The following C1QTNF7 variants were observed in gnomAD, a reference collection of about 807,000 sequenced individuals.
The protein encoded by C1QTNF7 is C1q and TNF related 7.
In C1QTNF7, 15 loss-of-function variants were observed where a neutral mutation model predicts 19.6. That is an observed-to-expected ratio of 0.76 (90% CI 0.51 to 1.18). C1QTNF7 has a LOEUF of 1.18. Ranked by LOEUF, C1QTNF7 falls within the 50% of genes most tolerant of loss-of-function variation. The pLI is 0.00. For synonymous variants in C1QTNF7, 142 were observed against 137.5 expected (o/e 1.03, Z -0.23); for missense variants, 324 against 359.7 (o/e 0.90, Z 0.80).
chr4:15,368,193 C>G (rs191809553), intron 1 of C1QTNF7, among the ~76,000 whole-genome samples: 5 of 152,248 alleles, frequency 3.3e-5, no homozygotes, highest in Admixed American at 6.5e-5. Context: ...CTTTTAAAAT[C>G]TATCATAATG....
At chr4:15,381,447 G>C (rs537455676) in intron 1 of C1QTNF7, among the ~76,000 whole-genome samples, 174 of 151,426 alleles carry the variant, frequency 1.1e-3, no homozygotes, top group African/African-American at 4.0e-3. Context: ...TTGTGAACAT[G>C]GAAATATTTT....
rs1712787871 is a variant in C1QTNF7 at position 15,442,200 on chromosome 4, G to A, written c.271G>A (p.Ala91Thr). 2 of 1,612,930 alleles carry A rather than the reference G, an allele frequency of 1.2e-6. No individual in the cohort carries two copies. Among genetic ancestry groups the A allele is most frequent in the Non-Finnish European group, 1.7e-6 (2 of 1,179,624 alleles). The change falls in exon 3 of 3, where the codon GCC becomes ACC. Residue 91 changes from alanine to threonine, a missense_variant. Ala to Thr is a moderately conservative substitution (Grantham distance 58). Transcript: ENST00000444304. ...AGGTAAGACTGGACCGCTAGGTCTT[G>A]CCGGTGAGAAAGGGGACCAAGGAGA... Reference protein sequence around the residue: ...LRGKTGPLGLAGEKGDQGETG... With the variant: ...LRGKTGPLGLTGEKGDQGETG...
chr4:15,373,706 T>C (rs1378382173), intron 1 of C1QTNF7: 1 of 152,256 alleles, frequency 6.6e-6, no homozygotes, highest in East Asian at 1.9e-4. Flanking sequence ...ATATGCTGTA[T>C]ATGCTGTATA....
Position 15,445,115 on chromosome 4 carries a change from C to T in C1QTNF7, c.*2316C>T, listed in dbSNP as rs1406456126. On this transcript the variant is annotated 3_prime_UTR_variant, in exon 3 of 3. Transcript: ENST00000444304. ...TCATCTTCCTGCCATACTTTGTGCA[C>T]TTATTGCTCTCCTTCTGAGTCAGGA... 2 of 152,232 alleles carry T rather than the reference C, an allele frequency of 1.3e-5. No homozygotes were observed. The highest frequency in any genetic ancestry group is 2.9e-5 in the Non-Finnish European group (2 of 68,062). The allele number at this position is 152,232 out of a possible 1,614,324, so 9.4% of individuals were successfully genotyped here.
chr4:15,365,791 G>A (rs763582069), intron 1 of C1QTNF7, among the ~76,000 whole-genome samples: 3 of 152,164 alleles, frequency 2.0e-5, no homozygotes, highest in Non-Finnish European at 2.9e-5. Flanking sequence ...AAGAGCAAAA[G>A]GGACTCCTCC....
At chr4:15,385,714 T>C (rs562259619) in intron 1 of C1QTNF7, among the ~76,000 whole-genome samples, 1 of 152,154 alleles carries the variant, frequency 6.6e-6, no homozygotes, top group Non-Finnish European at 1.5e-5. Context: ...ATTTGGAAAA[T>C]GCACTGTCAG....
chr4:15,360,162 G>T (rs1002009331), intron 1 of C1QTNF7, among the ~76,000 whole-genome samples: 1 of 152,110 alleles, frequency 6.6e-6, no homozygotes, highest in African/African-American at 2.4e-5. Flanking sequence ...CCTCTGAGTA[G>T]CCAGGGCTTT....
chr4:15,397,998 C>A (rs755348298), intron 1 of C1QTNF7, among the ~76,000 whole-genome samples: 13 of 152,204 alleles, frequency 8.5e-5, no homozygotes, highest in Non-Finnish European at 1.8e-4. Context: ...CCTTCCTAAA[C>A]CAGACCCACA....
At chr4:15,433,645 T>G (rs1222955919) in intron 1 of C1QTNF7, among the ~76,000 whole-genome samples, 4 of 152,136 alleles carry the variant, frequency 2.6e-5, no homozygotes, top group African/African-American at 7.2e-5. Context: ...GATTCTAAAT[T>G]TCAACACACA....
chr4:15,389,800 T>C (rs150537833), intron 1 of C1QTNF7, among the ~76,000 whole-genome samples: 252 of 152,244 alleles, frequency 1.7e-3, no homozygotes, highest in Non-Finnish European at 2.9e-3. Context: ...ATAAACTGTC[T>C]TGAGAGGCAC....
intron 1 of C1QTNF7, among the ~76,000 whole-genome samples, chr4:15,433,894 C>T (rs1157779545): frequency 3.3e-5 from 5 of 152,174 alleles, no homozygotes; most frequent in Non-Finnish European, 7.3e-5. Flanking sequence ...CTCAAAGCCT[C>T]CTCTAATCAG....
chr4:15,415,375 A>G (rs1008192900), intron 1 of C1QTNF7, among the ~76,000 whole-genome samples: 5 of 152,186 alleles, frequency 3.3e-5, no homozygotes, highest in African/African-American at 1.2e-4. Flanking sequence ...AAGAAAAAGG[A>G]CATTTATTTT....
At position 15,435,874 on chromosome 4, in the gene C1QTNF7, G is replaced by A. The variant is rs766635266; in HGVS notation, c.131G>A (p.Gly44Glu). ...CSIPGLPGPP[G>E]PPGANGSPGP... ...ATTCCTGGCTTGCCTGGACCTCCAG[G>A]GCCCCCTGGAGCAAATGGTTCCCCT... Residue 44 changes from glycine (G) to glutamate (E), a missense_variant, in exon 2 of 3, where the codon GGG becomes GAG. Physicochemically the swap from Gly to Glu is moderately conservative, Grantham distance 98. Coordinates refer to ENST00000444304, the MANE Select transcript of C1QTNF7 (RefSeq NM_031911.5). 1 of 1,613,990 alleles carries A rather than the reference G, an allele frequency of 6.2e-7. No individual in the cohort carries two copies. Among genetic ancestry groups the A allele is most frequent in the South Asian group, 1.1e-5 (1 of 91,072 alleles).
intron 1 of C1QTNF7, among the ~76,000 whole-genome samples, chr4:15,350,195 AAGGG>A (rs1716869099): frequency 3.4e-5 from 1 of 29,558 alleles, no homozygotes; most frequent in African/African-American, 1.3e-4. Flanking sequence ...GGAAGGAAGG[AAGGG>A]AAGAAGGAAG....
intron 1 of C1QTNF7, among the ~76,000 whole-genome samples, chr4:15,349,304 C>T (rs1716821640): frequency 6.6e-6 from 1 of 152,122 alleles, no homozygotes; most frequent in Admixed American, 6.5e-5. Flanking sequence ...CTTTTTTGTA[C>T]ACTCACCTCC....
chr4:15,366,315 T>C (rs527771063), intron 1 of C1QTNF7, among the ~76,000 whole-genome samples: 1 of 152,326 alleles, frequency 6.6e-6, no homozygotes, highest in South Asian at 2.1e-4. Context: ...AAAATTAGGA[T>C]GGCTGGTCAC....
chr4:15,409,375 T>TC (rs1560360038), intron 1 of C1QTNF7, among the ~76,000 whole-genome samples: 1 of 152,220 alleles, frequency 6.6e-6, no homozygotes. Flanking sequence ...AGACTCTAAG[T>TC]GATTGCAGCT....
chr4:15,418,902 G>T (rs1375312446), intron 1 of C1QTNF7, among the ~76,000 whole-genome samples: 2 of 152,050 alleles, frequency 1.3e-5, no homozygotes, highest in Admixed American at 6.6e-5. Flanking sequence ...GGAATTGGGG[G>T]CATTTATGCA....
chr4:15,431,052 T>TGATAGATA (rs33924061), intron 1 of C1QTNF7, among the ~76,000 whole-genome samples: 4,262 of 144,980 alleles, frequency 0.029, 64 homozygotes, highest in East Asian at 0.052. Context: ...GATAGATAGA[T>TGATAGATA]GATAGATAGA....
Sources: allele counts gnomAD v4.1 joint callset (sites outside exome capture counted in the v4.1 genomes callset), GRCh38; gene constraint gnomAD v4.1.1; transcripts MANE v1.5; gene names NCBI Gene and HGNC (gene_info 2026-07-23, HGNC 2026-07-21).